The following OSBPL3 variants were observed in gnomAD, a reference collection of about 807,000 sequenced individuals.
OSBPL3 encodes the protein oxysterol binding protein like 3.
OSBPL3 carries 65 observed loss-of-function variants against 120.1 expected under a neutral mutation model. That is an observed-to-expected ratio of 0.54 (90% CI 0.44 to 0.67). OSBPL3 has a LOEUF of 0.67. Ranked by LOEUF, OSBPL3 falls within the 30% of genes least tolerant of loss-of-function variation. The probability of loss-of-function intolerance (pLI) is 0.00; values close to 1 mark genes in which losing one functional copy is unlikely to be tolerated. For missense variants in OSBPL3, 1,004 were observed against 1,082.1 expected, an observed-to-expected ratio of 0.93 and a Z score of 1.01; for synonymous variants, 416 against 402.6, an observed-to-expected ratio of 1.03 and a Z score of -0.40.
At chr7:24,846,256 T>C (rs901409054) in intron 12 of OSBPL3, among the ~76,000 whole-genome samples, 29 of 152,204 alleles carry the variant, frequency 1.9e-4, no homozygotes, top group Admixed American at 1.6e-3. Context: ...GTGTATACTA[T>C]TGAGAAAAGG....
Position 24,937,933 on chromosome 7 carries a change from T to C in OSBPL3, c.-150+41953A>G. Among the ~76,000 whole-genome samples, 1 of 152,222 alleles carries C rather than the reference T, an allele frequency of 6.6e-6. No homozygotes were observed. Among genetic ancestry groups the C allele is most frequent in the East Asian group, 1.9e-4 (1 of 5,198 alleles). ...CCAAAGTATAATCCATGAATTAGGA[T>C]GTGGACAGTGAAGGACAGAGAAGAA... On this transcript the variant is annotated intron_variant, in intron 1 of 22. Coordinates refer to ENST00000313367, the MANE Select transcript of OSBPL3 (RefSeq NM_015550.4). The surrounding 1 kb of genome is among the most constrained non-coding windows in gnomAD (Gnocchi z 4.0).
rs1189883094 is a variant in OSBPL3 at position 24,980,044 on chromosome 7, G to T, written c.-308C>A. On this transcript the variant is annotated 5_prime_UTR_variant, in exon 1 of 23. Coordinates refer to ENST00000313367, the MANE Select transcript of OSBPL3 (RefSeq NM_015550.4). The stretch of plus-strand genomic sequence containing the variant: ...GCCGCAGGAGTCGGGGGCGGGGATG[G>T]CCACTTGCAGACAGACTGCGGGGCC... 4.1e-6 allele frequency: 4 copies of T among 985,048 alleles called. No individual in the cohort carries two copies. Among genetic ancestry groups the T allele is most frequent in the Admixed American group, 1.2e-4 (2 of 16,248 alleles). 61.0% of individuals were successfully genotyped at this position (985,048 alleles called of 1,614,324 possible).
chr7:24,807,517 T>TAATAACAAC (rs139700441), intron 20 of OSBPL3, among the ~76,000 whole-genome samples: 9 of 151,280 alleles, frequency 5.9e-5, no homozygotes, highest in Non-Finnish European at 1.3e-4. Context: ...ATAATAATAA[T>TAATAACAAC]AACAACAATA....
intron 1 of OSBPL3, among the ~76,000 whole-genome samples, chr7:24,903,681 CCT>C (rs1038271348): frequency 8.5e-5 from 13 of 152,158 alleles, no homozygotes; most frequent in Non-Finnish European, 1.6e-4. Flanking sequence ...CACATCCACC[CCT>C]GTGTCTGCCA....
chr7:24,839,736 C>G (rs1462860705), intron 14 of OSBPL3, among the ~76,000 whole-genome samples: 1 of 151,994 alleles, frequency 6.6e-6, no homozygotes, highest in Non-Finnish European at 1.5e-5. Flanking sequence ...CGCCTGTAAT[C>G]CCAGCACTCT....
In OSBPL3 at chr7:24,863,459, A is replaced by T; in HGVS notation, c.777+37T>A. On this transcript the variant is annotated intron_variant, in intron 8 of 22. Transcript: ENST00000313367. This position sits in a 1 kb window ranked among gnomAD's most constrained non-coding sequence, Gnocchi z 5.8. ...CTGGGAGGAGAAAGGAAAGCAGAAG[A>T]GGGCCAGAATGTCAACAGAAGAGGA... 1 of 1,523,870 alleles carries T rather than the reference A, an allele frequency of 6.6e-7. No homozygotes were observed. Among genetic ancestry groups the T allele is most frequent in the Non-Finnish European group, 9.1e-7 (1 of 1,097,766 alleles). 94.4% of individuals were successfully genotyped at this position (1,523,870 alleles called of 1,614,324 possible). A position where few individuals can be genotyped will look rare whatever the true frequency, so the allele number is the denominator to read the frequency against.
chr7:24,874,797 G>C (rs1584466996), intron 2 of OSBPL3, among the ~76,000 whole-genome samples: 1 of 152,280 alleles, frequency 6.6e-6, no homozygotes, highest in East Asian at 1.9e-4. Flanking sequence ...GACTCTCCTT[G>C]ACTAAAAAAG....
At chr7:24,870,920 C>T (rs1802019355) in intron 4 of OSBPL3, 75 bp from the exon 5 acceptor site, 2 of 894,540 alleles carry the variant, frequency 2.2e-6, no homozygotes, top group Admixed American at 1.7e-5. Context: ...CACACCCTTC[C>T]ACATCCCCTG....
intron 5 of OSBPL3, among the ~76,000 whole-genome samples, chr7:24,868,574 C>T (rs994605175): frequency 6.6e-6 from 1 of 152,058 alleles, no homozygotes; most frequent in Non-Finnish European, 1.5e-5. Flanking sequence ...CTAGGATATG[C>T]AAATAAATGC....
At position 24,916,229 on chromosome 7, in the gene OSBPL3, G is replaced by C. The variant is rs1407916167; in HGVS notation, c.-149-23608C>G. Among the ~76,000 whole-genome samples the C allele has an allele frequency of 6.6e-6, 1 of 152,072 alleles. No individual in the cohort carries two copies. Among genetic ancestry groups the C allele is most frequent in the Non-Finnish European group, 1.5e-5 (1 of 68,000 alleles). ...TTTCTTTCCCTTTTGTTAAATTCAA[G>C]ATCAAATTGAATGTTTTACTTTTAA... On this transcript the variant is annotated intron_variant, in intron 1 of 22. Transcript: ENST00000313367. This position sits in a 1 kb window ranked among gnomAD's most constrained non-coding sequence, Gnocchi z 4.9.
rs1233064618 is a variant in OSBPL3, at chr7:24,899,237, TG to T, written c.-149-6617del. Among the ~76,000 whole-genome samples the T allele has an allele frequency of 1.3e-5, 2 of 152,206 alleles. No homozygotes were observed. Among genetic ancestry groups the T allele is most frequent in the Non-Finnish European group, 2.9e-5 (2 of 68,040 alleles). ...TTAAAGACAAGCTCTAGGTGTGGTC[TG>T]GACAGAGCAGAAGAGAAGGCAATGA... On this transcript the variant is annotated intron_variant, in intron 1 of 22. Coordinates refer to ENST00000313367, the MANE Select transcript of OSBPL3 (RefSeq NM_015550.4). The surrounding 1 kb of genome is among the most constrained non-coding windows in gnomAD (Gnocchi z 4.0).
In OSBPL3 at chr7:24,861,782, C is replaced by A; in HGVS notation, c.871-13G>T. On this transcript the variant is annotated splice_polypyrimidine_tract_variant and intron_variant, in intron 9 of 22. Transcript: ENST00000313367. ...AAGGTTTCGGGACCTGAAGTAACAC[C>A]AAAGGGAGATATTTCTTTTCAGATG... The A allele has an allele frequency of 6.5e-7, 1 of 1,542,416 alleles. No individual in the cohort carries two copies.
chr7:24,893,987 C>A (rs1461044713), intron 1 of OSBPL3, among the ~76,000 whole-genome samples: 1 of 150,846 alleles, frequency 6.6e-6, no homozygotes, highest in Non-Finnish European at 1.5e-5. Flanking sequence ...AATATACATA[C>A]ATATATATAT....
At position 24,922,957 on chromosome 7, in the gene OSBPL3, G is replaced by A. The variant is rs1177172164; in HGVS notation, c.-149-30336C>T. ...CAGTTTTGGCAGTCGAAGAAAAAAA[G>A]GAAAAGAATAAGAAAAAGAAAAAAA... On this transcript the variant is annotated intron_variant, in intron 1 of 22. Transcript: ENST00000313367. The surrounding 1 kb of genome is among the most constrained non-coding windows in gnomAD (Gnocchi z 4.3). Among the ~76,000 whole-genome samples, 1 of 152,046 alleles carries A rather than the reference G, an allele frequency of 6.6e-6. No homozygotes were observed. The highest frequency in any genetic ancestry group is 1.5e-5 in the Non-Finnish European group (1 of 68,010).
Position 24,912,426 on chromosome 7 carries a change from T to A in OSBPL3, c.-149-19805A>T, listed in dbSNP as rs1808956622. Among the ~76,000 whole-genome samples the A allele has an allele frequency of 6.6e-6, 1 of 152,208 alleles. No individual in the cohort carries two copies. The highest frequency in any genetic ancestry group is 1.5e-5 in the Non-Finnish European group (1 of 68,030). On this transcript the variant is annotated intron_variant, in intron 1 of 22. Coordinates refer to ENST00000313367, the MANE Select transcript of OSBPL3 (RefSeq NM_015550.4). This position sits in a 1 kb window ranked among gnomAD's most constrained non-coding sequence, Gnocchi z 4.5. ...CTTGCATATTCCCCTATGTTGCAGA[T>A]TCACTGCAGACATCCATTGATTTAG...
intron 12 of OSBPL3, 65 bp from the exon 13 acceptor site, chr7:24,842,478 T>C (rs1407089338): frequency 3.1e-6 from 4 of 1,273,446 alleles, no homozygotes; most frequent in Admixed American, 2.1e-5. Context: ...AGAAAATAAA[T>C]GATTTAGTTG....
chr7:24,826,647 C>T (rs1795743831), intron 16 of OSBPL3, among the ~76,000 whole-genome samples: 1 of 152,164 alleles, frequency 6.6e-6, no homozygotes, highest in Non-Finnish European at 1.5e-5. Flanking sequence ...TCGCCTGTAA[C>T]TGATCCCTGC....
chr7:24,872,505 T>A lies in OSBPL3; in HGVS notation c.97-436A>T, dbSNP rs568710076. ...TGTGTGTGGTGTTGGGGGAAGGAAG[T>A]TGGTTTAAGAATTGGCTGAACAGTA... On this transcript the variant is annotated intron_variant, in intron 2 of 22. Coordinates refer to ENST00000313367, the MANE Select transcript of OSBPL3 (RefSeq NM_015550.4). The surrounding 1 kb of genome is among the most constrained non-coding windows in gnomAD (Gnocchi z 4.1). Among the ~76,000 whole-genome samples the A allele has an allele frequency of 1.4e-5, 2 of 146,782 alleles. No homozygotes were observed. The highest frequency in any genetic ancestry group is 4.3e-4 in the South Asian group (2 of 4,650).
chr7:24,885,497 C>G (rs1265120548), intron 2 of OSBPL3, among the ~76,000 whole-genome samples: 2 of 152,148 alleles, frequency 1.3e-5, no homozygotes, highest in Non-Finnish European at 2.9e-5. Context: ...AGCCCAGAAA[C>G]AGCAGGGTGA....
Sources: allele counts gnomAD v4.1 joint callset (sites outside exome capture counted in the v4.1 genomes callset), GRCh38; gene constraint gnomAD v4.1.1; non-coding constraint Gnocchi (gnomAD v3.1); transcripts MANE v1.5; gene names NCBI Gene and HGNC (gene_info 2026-07-23, HGNC 2026-07-21).